NOS1: variants seen among roughly 807,000 people sequenced by gnomAD.
NOS1 encodes the protein nitric oxide synthase 1, also known as NOS type I.
NOS1 carries 51 observed loss-of-function variants against 164.5 expected under a neutral mutation model. The ratio of observed to expected loss-of-function variants is 0.31; its 90% CI spans 0.25 to 0.39. The LOEUF is 0.39. NOS1 is among the 10% of genes least tolerant of loss of function. The probability of loss-of-function intolerance (pLI) is 1.00; values close to 1 mark genes in which losing one functional copy is unlikely to be tolerated. For synonymous variants in NOS1, 719 were observed against 745.8 expected (o/e 0.96, Z 0.59); for missense variants, 1,362 against 1,885.6 (o/e 0.72, Z 5.14).
In NOS1 at chr12:117,340,871, C is replaced by CTT. The variant is rs775978271; in HGVS notation, c.-420-9383_-420-9382insAA. 2.4e-3 allele frequency among the ~76,000 whole-genome samples: 236 copies of CTT among 96,348 alleles called. 4 individuals carry two copies. The highest frequency in any genetic ancestry group is 6.3e-3 in the Middle Eastern group (1 of 158). 63.2% of individuals were successfully genotyped at this position (96,348 alleles called of 152,430 possible). A position where few individuals can be genotyped will look rare whatever the true frequency, so the allele number is the denominator to read the frequency against. ...CCTGAGTAGCTGATATCACACCTGGCTATTTTTTTTTTTTTTTTTTTTTTT... is the reference window on the plus strand; with the variant it reads ...CCTGAGTAGCTGATATCACACCTGGCTTTATTTTTTTTTTTTTTTTTTTTTTT... On this transcript the variant is annotated intron_variant, in intron 1 of 28. Transcript: ENST00000317775.
intron 1 of NOS1, among the ~76,000 whole-genome samples, chr12:117,361,192 ACTC>A (rs968523729): frequency 1.2e-4 from 18 of 148,718 alleles, no homozygotes; most frequent in African/African-American, 4.5e-4. Context: ...CCCGCCTCGT[ACTC>A]CTCCTCTTCC....
At chr12:117,283,004 T>C (rs1873794584) in intron 7 of NOS1, among the ~76,000 whole-genome samples, 1 of 150,818 alleles carries the variant, frequency 6.6e-6, no homozygotes, top group South Asian at 2.1e-4. Context: ...TCTGCTGTCC[T>C]TCCCCTCTAT....
chr12:117,265,493 A>T lies in NOS1; in HGVS notation c.1959T>A (p.Ile653=), dbSNP rs373113704. ...ACTCGGTGGCGGAGTGATGGTCAACAATGGTCACTTTGTCACTCTGTGGGA... is the reference window on the plus strand; with the variant it reads ...ACTCGGTGGCGGAGTGATGGTCAACTATGGTCACTTTGTCACTCTGTGGGA... ...LYSFQSDKVT[I]VDHHSATESF... is the part of the protein sequence containing the mutation. The change falls in exon 12 of 29, where the codon ATT becomes ATA. Residue 653 remains isoleucine (I), a synonymous_variant. Coordinates refer to ENST00000317775, the MANE Select transcript of NOS1 (RefSeq NM_000620.5). 2 of 1,555,286 alleles carry T rather than the reference A, an allele frequency of 1.3e-6. No homozygotes were observed. The highest frequency in any genetic ancestry group is 1.7e-6 in the Non-Finnish European group (2 of 1,149,024).
chr12:117,341,069 G>GT (rs1876089768), intron 1 of NOS1, among the ~76,000 whole-genome samples: 1 of 151,906 alleles, frequency 6.6e-6, no homozygotes. Context: ...CATAGACTAG[G>GT]TAAGTGCCCA....
intron 1 of NOS1, among the ~76,000 whole-genome samples, chr12:117,360,839 G>A (rs577744393): frequency 4.7e-4 from 72 of 152,264 alleles, no homozygotes; most frequent in African/African-American, 1.7e-3. Flanking sequence ...CCCGCGGGAG[G>A]GTAGCGAGCT....
intron 1 of NOS1, among the ~76,000 whole-genome samples, chr12:117,354,965 CCTTCTTCATTT>C (rs1876792900): frequency 6.6e-6 from 1 of 152,222 alleles, no homozygotes; most frequent in African/African-American, 2.4e-5. Context: ...TCACAATATT[CCTTCTTCATTT>C]CCAACTGGAA....
rs10774906 is a variant in NOS1 at position 117,209,300 on chromosome 12, T to C, written c.*6009A>G. ...TGGCAGGACACTGCTACAGGTATCT[T>C]GTGGATGGAGGCCAGGAATGCTGCT... On this transcript the variant is annotated 3_prime_UTR_variant, in exon 29 of 29. Coordinates refer to ENST00000317775, the MANE Select transcript of NOS1 (RefSeq NM_000620.5). 291,353 of 957,172 alleles carry C rather than the reference T, an allele frequency of 0.3. 54,643 individuals are homozygous for C. Among genetic ancestry groups the C allele is most frequent in the African/African-American group, 0.86 (48,766 of 56,714 alleles). 59.3% of individuals were successfully genotyped at this position (957,172 alleles called of 1,614,324 possible).
At chr12:117,250,068 A>C (rs751020053) in intron 17 of NOS1, among the ~76,000 whole-genome samples, 3 of 152,138 alleles carry the variant, frequency 2.0e-5, no homozygotes, top group Non-Finnish European at 4.4e-5. Context: ...GATGGGGACA[A>C]AATGGTAACA....
rs1475117968 is a variant in NOS1 at position 117,211,209 on chromosome 12, C to T, written c.*4100G>A. The T allele has an allele frequency of 2.0e-5, 19 of 970,494 alleles. No homozygotes were observed. Among genetic ancestry groups the T allele is most frequent in the Middle Eastern group, 5.2e-4 (1 of 1,912 alleles). 60.1% of individuals were successfully genotyped at this position (970,494 alleles called of 1,614,324 possible). A position where few individuals can be genotyped will look rare whatever the true frequency, so the allele number is the denominator to read the frequency against. On this transcript the variant is annotated 3_prime_UTR_variant, in exon 29 of 29. Coordinates refer to ENST00000317775, the MANE Select transcript of NOS1 (RefSeq NM_000620.5). The stretch of plus-strand genomic sequence containing the variant: ...CTGACCTCAACTGATACACCCACCT[C>T]GGCCTCCCAAAGTGCTGGGATTACA...
intron 1 of NOS1, among the ~76,000 whole-genome samples, chr12:117,357,998 C>G (rs1876931658): frequency 6.6e-6 from 1 of 152,192 alleles, no homozygotes; most frequent in Admixed American, 6.5e-5. Flanking sequence ...GAAAAAGCCC[C>G]AGTTCTCACG....
At chr12:117,247,716 T>C (rs1167713207) in intron 17 of NOS1, among the ~76,000 whole-genome samples, 194 bp from the exon 18 acceptor site, 1 of 152,030 alleles carries the variant, frequency 6.6e-6, no homozygotes, top group Non-Finnish European at 1.5e-5. Context: ...AGCCCTGATC[T>C]GATAGGATTA....
In NOS1 at chr12:117,243,916, TCATCTATCCATCCATC is replaced by T. The variant is rs1870407751; in HGVS notation, c.2824-497_2824-482del. ...TCCATGCAGGCATGCATCCATCCAT[TCATCTATCCATCCATC>T]CATCCTATATATTTTGAGTGTCTGC... On this transcript the variant is annotated intron_variant, in intron 18 of 28. Coordinates refer to ENST00000317775, the MANE Select transcript of NOS1 (RefSeq NM_000620.5). The surrounding 1 kb of genome is among the most constrained non-coding windows in gnomAD (Gnocchi z 4.3). 6.6e-6 allele frequency among the ~76,000 whole-genome samples: 1 copy of T among 150,982 alleles called. No homozygotes were observed. The highest frequency in any genetic ancestry group is 2.4e-5 in the African/African-American group (1 of 41,040).
In NOS1 at chr12:117,212,039, C is replaced by G. The variant is rs1271399976; in HGVS notation, c.*3270G>C. 2.1e-6 allele frequency: 2 copies of G among 932,200 alleles called. No homozygotes were observed. The highest frequency in any genetic ancestry group is 2.6e-6 in the Non-Finnish European group (2 of 783,076). 57.7% of individuals were successfully genotyped at this position (932,200 alleles called of 1,614,324 possible). On this transcript the variant is annotated 3_prime_UTR_variant, in exon 29 of 29. Transcript: ENST00000317775. ...TGAGATCGTACCACTGTACGCCAGC[C>G]TGGGTGACAGAGCAAGACTCTGTCA... is the stretch of plus-strand genomic sequence containing the variant.
intron 22 of NOS1, among the ~76,000 whole-genome samples, chr12:117,231,106 T>A (rs777783921): frequency 6.6e-6 from 1 of 151,978 alleles, no homozygotes; most frequent in Non-Finnish European, 1.5e-5. Context: ...GGTGGGTGGA[T>A]CACCTGAGAT....
chr12:117,310,520 T>C (rs1874376400), intron 3 of NOS1, among the ~76,000 whole-genome samples: 1 of 152,234 alleles, frequency 6.6e-6, no homozygotes, highest in South Asian at 2.1e-4. Context: ...TGTTTGTCAA[T>C]GCATAAAACA....
intron 3 of NOS1, among the ~76,000 whole-genome samples, chr12:117,302,783 A>G (rs1042014313): frequency 6.6e-6 from 1 of 151,814 alleles, no homozygotes; most frequent in East Asian, 2.0e-4. Flanking sequence ...TCTCACTCCA[A>G]TGCCCAGGCT....
intron 1 of NOS1, among the ~76,000 whole-genome samples, chr12:117,337,216 C>T (rs1042306024): frequency 5.4e-5 from 8 of 147,776 alleles, no homozygotes; most frequent in Non-Finnish European, 8.9e-5. Flanking sequence ...CCCAGGTTCA[C>T]GCCATTCTCC....
intron 1 of NOS1, among the ~76,000 whole-genome samples, chr12:117,337,104 CT>C (rs1875859011): frequency 2.1e-5 from 2 of 94,070 alleles, no homozygotes; most frequent in Admixed American, 1.3e-4. Context: ...CTGCTTTTTA[CT>C]CTTTTTTTTT....
At chr12:117,222,571 T>G in intron 26 of NOS1, 144 bp downstream of exon 26, 2 of 756,620 alleles carry the variant, frequency 2.6e-6, no homozygotes, top group East Asian at 5.1e-5. Context: ...ATATTTTCCC[T>G]ACCCATGCTT....
Sources: allele counts gnomAD v4.1 joint callset (sites outside exome capture counted in the v4.1 genomes callset), GRCh38; gene constraint gnomAD v4.1.1; non-coding constraint Gnocchi (gnomAD v3.1); transcripts MANE v1.5; gene names NCBI Gene and HGNC (gene_info 2026-07-23, HGNC 2026-07-21).